UBA1: variants seen among roughly 807,000 people sequenced by gnomAD.
UBA1 encodes the protein ubiquitin like modifier activating enzyme 1, also known as ubiquitin-like modifier-activating enzyme 1.
Under a neutral mutation model 84.7 loss-of-function variants are expected in UBA1, and 4 were observed. The observed-to-expected ratio is 0.05, with a 90% CI of 0.02 to 0.11. The LOEUF is 0.11. Among genes scored for constraint, UBA1 ranks in the 10% least tolerant of loss-of-function variants. The pLI, the probability that UBA1 is intolerant of heterozygous loss-of-function variation, is 1.00. For synonymous variants in UBA1, 364 were observed against 362.6 expected, an observed-to-expected ratio of 1.00 and a Z score of -0.04; for missense variants, 513 against 902.8, an observed-to-expected ratio of 0.57 and a Z score of 5.53.
At position 47,203,000 on chromosome X, in the gene UBA1, T is replaced by A; in HGVS notation, c.1291T>A (p.Cys431Ser). The change falls in exon 12 of 26, where the codon TGT becomes AGT. Residue 431 changes from cysteine (C) to serine (S), a missense_variant. Physicochemically the swap from Cys to Ser is moderately radical, Grantham distance 112. Transcript: ENST00000335972. ...GTGGCTATACTTTGATGCCCTTGAGTGTCTCCCTGAGGACAAAGAGGTCCT... is the reference window on the plus strand; with the variant it reads ...GTGGCTATACTTTGATGCCCTTGAGAGTCTCCCTGAGGACAAAGAGGTCCT... ...MQWLYFDALECLPEDKEVLTE... is the reference protein window; with the variant it reads ...MQWLYFDALESLPEDKEVLTE... 8.3e-7 allele frequency: 1 copy of A among 1,211,774 alleles called. No individual in the cohort carries two copies. Among genetic ancestry groups the A allele is most frequent in the Non-Finnish European group, 1.1e-6 (1 of 895,457 alleles).
At position 47,198,894 on chromosome X, in the gene UBA1, C is replaced by T; in HGVS notation, c.92C>T (p.Ser31Phe). ...TGCTCCCCTGCCCAGTCCGTGTTGT[C>T]CGAAGTGCCCTCGGTGCCAACCAAC... ...SNCSPAQSVL[S>F]EVPSVPTNGM... The change falls in exon 2 of 26, where the codon TCC becomes TTC. Residue 31 changes from serine (S) to phenylalanine (F), a missense_variant. Coordinates refer to ENST00000335972, the MANE Select transcript of UBA1 (RefSeq NM_003334.4). The T allele has an allele frequency of 8.2e-7, 1 of 1,212,123 alleles. No homozygotes were observed. The highest frequency in any genetic ancestry group is 1.1e-6 in the Non-Finnish European group (1 of 895,588).
intron 1 of UBA1, chrX:47,198,137 C>T (rs1398069615): frequency 8.6e-6 from 8 of 928,548 alleles, no homozygotes; most frequent in African/African-American, 2.1e-5. Flanking sequence ...CTTTATAAAA[C>T]TTGAGCCCCT....
chrX:47,210,316 G>T (rs1461636751), intron 18 of UBA1, among the ~76,000 whole-genome samples, 193 bp downstream of exon 18: 1 of 111,812 alleles, frequency 8.9e-6, no homozygotes, highest in Non-Finnish European at 1.9e-5. Context: ...GGTTGCTATT[G>T]CCCTTGACTG....
At chrX:47,210,674 C>T (rs1384922585) in intron 18 of UBA1, among the ~76,000 whole-genome samples, 168 bp from the exon 19 acceptor site, 1 of 111,646 alleles carries the variant, frequency 9.0e-6, no homozygotes, top group Non-Finnish European at 1.9e-5. Context: ...CTGGTTCAAC[C>T]TGTGGGACCC....
intron 22 of UBA1, 45 bp from the exon 23 acceptor site, chrX:47,212,945 T>G: frequency 1.7e-6 from 2 of 1,209,288 alleles, no homozygotes; most frequent in Non-Finnish European, 2.2e-6. Flanking sequence ...ACCCTGAGGC[T>G]CTTGTACTTA....
upstream of UBA1, among the ~76,000 whole-genome samples, chrX:47,193,311 C>T (rs921147614): frequency 9.0e-6 from 1 of 111,511 alleles, no homozygotes; most frequent in Non-Finnish European, 1.9e-5. Flanking sequence ...AGCCCCATTT[C>T]CCTGCTTACA....
chrX:47,214,934 G>A lies in UBA1; in HGVS notation c.*5G>A, dbSNP rs782574337. On this transcript the variant is annotated 3_prime_UTR_variant, in exon 26 of 26. Coordinates refer to ENST00000335972, the MANE Select transcript of UBA1 (RefSeq NM_003334.4). ...GTCCGATACACCATCCGCTGACCCC[G>A]TCTGCTCCTCTAGGCTGGCCCCTTG... 1.2e-5 allele frequency: 15 copies of A among 1,207,767 alleles called. No individual in the cohort carries two copies. In the South Asian group the frequency reaches 1.4e-4, roughly 11 times the overall value.
chrX:47,211,782 T>A (rs1936928960), intron 20 of UBA1, among the ~76,000 whole-genome samples: 1 of 107,635 alleles, frequency 9.3e-6, no homozygotes, highest in African/African-American at 3.4e-5. Context: ...TCCCCCGTCT[T>A]CCTCTCCATA....
At chrX:47,194,552 C>G (rs892007657) in intron 1 of UBA1, among the ~76,000 whole-genome samples, 1 of 111,821 alleles carries the variant, frequency 8.9e-6, no homozygotes, top group Non-Finnish European at 1.9e-5. Context: ...CCTTCAGACC[C>G]CCATCCCACA....
At chrX:47,201,753 TC>T in intron 8 of UBA1, 143 bp downstream of exon 8, 1 of 701,487 alleles carries the variant, frequency 1.4e-6, no homozygotes, top group Non-Finnish European at 2.2e-6. Context: ...CTACAGACAA[TC>T]CTGTGGGGTC....
intron 13 of UBA1, 111 bp downstream of exon 13, chrX:47,203,325 T>C: frequency 1.1e-6 from 1 of 949,812 alleles, no homozygotes; most frequent in Admixed American, 2.3e-5. Context: ...TTTGCCATTC[T>C]CCTTATCTTG....
rs782219481 is a variant in UBA1 at position 47,200,091 on chromosome X, C to T, written c.480+477C>T. On this transcript the variant is annotated intron_variant, in intron 5 of 25. Transcript: ENST00000335972. ...TGAGCCACCGCACCCGGCCTGGCCC[C>T]GCCTTTTCAAGTGGGGAAGATGTGT... Among the ~76,000 whole-genome samples the T allele has an allele frequency of 1.3e-4, 14 of 111,284 alleles. 1 individual carries two copies. The South Asian group carries it at 4.1e-3, about 33-fold the overall frequency.
chrX:47,201,631 A>G, intron 8 of UBA1, 21 bp downstream of exon 8: 2 of 1,208,983 alleles, frequency 1.7e-6, no homozygotes, highest in Non-Finnish European at 1.1e-6. Context: ...ACCATGGGGG[A>G]AGCAGAGGGG....
At chrX:47,211,453 T>C (rs1423646391) in intron 20 of UBA1, among the ~76,000 whole-genome samples, 2 of 111,893 alleles carry the variant, frequency 1.8e-5, no homozygotes, top group South Asian at 3.7e-4. Flanking sequence ...GAGAACTTGC[T>C]GTTTTACTCT....
rs1556788755 is a variant in UBA1, at chrX:47,202,672, C to T, written c.1091C>T (p.Ala364Val). The change falls in exon 11 of 26, where the codon GCT (alanine) becomes GTT (valine). Residue 364 changes from alanine (A) to valine (V), a missense_variant. This residue lies in a region of UBA1 where 227 missense variants were observed against 339.1 expected (regional missense o/e 0.67). Coordinates refer to ENST00000335972, the MANE Select transcript of UBA1 (RefSeq NM_003334.4). The stretch of plus-strand genomic sequence containing the variant: ...GCAGAACTGGTAGCCTTAGCACAGG[C>T]TGTGAATGCTCGAGCCCTGCCAGCA... ...DAAELVALAQ[A>V]VNARALPAVQ... 5.8e-6 allele frequency: 7 copies of T among 1,211,141 alleles called. No homozygotes were observed.
rs782409785 is a variant in UBA1 at position 47,213,093 on chromosome X, G to A, written c.2750G>A (p.Arg917Gln). ...LELYKVVQGHRQLDSYKNGFL... is the reference protein window; with the variant it reads ...LELYKVVQGHQQLDSYKNGFL... ...CTGTACAAGGTTGTGCAGGGGCACC[G>A]ACAGCTTGACTCCTACAAGAATGGT... Residue 917 changes from arginine (R) to glutamine (Q), a missense_variant, in exon 23 of 26, where the codon CGA becomes CAA. This residue lies in a region of UBA1 where 151 missense variants were observed against 260.1 expected (regional missense o/e 0.58). Coordinates refer to ENST00000335972, the MANE Select transcript of UBA1 (RefSeq NM_003334.4). 1.8e-5 allele frequency: 22 copies of A among 1,210,381 alleles called. No homozygotes were observed. The highest frequency in any genetic ancestry group is 5.9e-5 in the East Asian group (2 of 33,791).
At chrX:47,212,963 CCTT>C (rs782782972) in intron 22 of UBA1, 24 bp from the exon 23 acceptor site, 2 of 1,211,583 alleles carry the variant, frequency 1.7e-6, no homozygotes, top group East Asian at 3.0e-5. Context: ...TTAACTACCA[CCTT>C]CTTTTGTCCC....
Position 47,215,064 on chromosome X carries a change from C to G in UBA1, c.*135C>G. The G allele has an allele frequency of 4.3e-6, 4 of 921,278 alleles. No individual in the cohort carries two copies. The allele number at this position is 921,278 out of a possible 1,213,427, so 75.9% of individuals were successfully genotyped here. A position where few individuals can be genotyped will look rare whatever the true frequency, so the allele number is the denominator to read the frequency against. On this transcript the variant is annotated 3_prime_UTR_variant, in exon 26 of 26. Coordinates refer to ENST00000335972, the MANE Select transcript of UBA1 (RefSeq NM_003334.4). ...TCCCTCATCATCCCCCTACCTGAACCCCTCTTGCCACTGCCTTCTACCTTG... is the reference window on the plus strand; with the variant it reads ...TCCCTCATCATCCCCCTACCTGAACGCCTCTTGCCACTGCCTTCTACCTTG...
chrX:47,210,225 C>A, intron 18 of UBA1, 102 bp downstream of exon 18: 1 of 952,002 alleles, frequency 1.1e-6, no homozygotes, highest in Non-Finnish European at 1.5e-6. Context: ...TGGCAGGTGC[C>A]CTGAGGCATG....
Sources: gnomAD v4.1 joint callset for allele counts (sites outside exome capture counted in the v4.1 genomes callset) on GRCh38, gnomAD v4.1.1 for gene constraint, gnomAD v4.1.1 regional missense constraint, MANE v1.5 for transcripts, NCBI Gene and HGNC (gene_info 2026-07-23, HGNC 2026-07-21) for gene names.